Variants in EIF4E3 observed in about 807,000 individuals in gnomAD.
The protein encoded by EIF4E3 is eukaryotic translation initiation factor 4E type 3.
In EIF4E3, 26 loss-of-function variants were observed where a neutral mutation model predicts 31.7. That is an observed-to-expected ratio of 0.82 (90% confidence interval 0.60 to 1.14). EIF4E3 has a LOEUF of 1.14. Ranked by LOEUF, EIF4E3 falls within the 50% of genes most tolerant of loss-of-function variation. EIF4E3 has a pLI of 0.00. For missense variants in EIF4E3, 304 were observed against 270.9 expected (o/e 1.12, Z -0.86); for synonymous variants, 128 against 107.7 (o/e 1.19, Z -1.17).
chr3:71,698,738 A>G (rs1017938342), intron 3 of EIF4E3, among the ~76,000 whole-genome samples: 2 of 152,206 alleles, frequency 1.3e-5, no homozygotes, highest in African/African-American at 4.8e-5. Context: ...AGGGTGTAAG[A>G]CCAGAGCATA....
Position 71,696,476 on chromosome 3 carries a change from A to G in EIF4E3, c.389T>C (p.Val130Ala). The G allele has an allele frequency of 6.2e-7, 1 of 1,614,036 alleles. No individual in the cohort carries two copies. Among genetic ancestry groups the G allele is most frequent in the Non-Finnish European group, 8.5e-7 (1 of 1,180,002 alleles). ...GGAACCTACCGTGCTGTCCTTGGGG[A>G]CTTTCATCTTCCATACGCCACCCTT... ...NAKGGVWKMK[V>A]PKDSTSTVWK... Residue 130 changes from valine to alanine, a missense_variant, in exon 4 of 7, where the codon GTC (valine) becomes GCC (alanine). By Grantham distance (64) the Val-to-Ala change is moderately conservative. Transcript: ENST00000425534.
chr3:71,744,341 T>C (rs1019782992), intron 1 of EIF4E3, among the ~76,000 whole-genome samples: 5 of 152,170 alleles, frequency 3.3e-5, no homozygotes, highest in African/African-American at 1.2e-4. Flanking sequence ...GAAAAAAATG[T>C]TCAATATCAT....
At chr3:71,703,967 T>C (rs561887912) in intron 2 of EIF4E3, among the ~76,000 whole-genome samples, 1 of 152,372 alleles carries the variant, frequency 6.6e-6, no homozygotes, top group East Asian at 1.9e-4. Context: ...GTGGTATTTA[T>C]GGGCAGGGCC....
At chr3:71,720,268 T>C (rs2049526977) in intron 1 of EIF4E3, among the ~76,000 whole-genome samples, 1 of 151,806 alleles carries the variant, frequency 6.6e-6, no homozygotes, top group Admixed American at 6.5e-5. Flanking sequence ...CATCCTCAAA[T>C]TCAGGCTCAA....
chr3:71,660,165 C>A, the EIF4E3 span, among the ~76,000 whole-genome samples: 7 of 151,990 alleles, frequency 4.6e-5, no homozygotes, highest in Non-Finnish European at 8.8e-5. Flanking sequence ...GTGGTGTGAG[C>A]AGAAAATGAA....
intron 5 of EIF4E3, among the ~76,000 whole-genome samples, chr3:71,690,587 C>A (rs1459063346): frequency 6.6e-6 from 1 of 152,184 alleles, no homozygotes; most frequent in Non-Finnish European, 1.5e-5. Flanking sequence ...TTAAGGAGAG[C>A]AAGAATTTCT....
At chr3:71,753,429 C>T (rs1252824450) in intron 1 of EIF4E3, 1 of 152,328 alleles carries the variant, frequency 6.6e-6, no homozygotes, top group Admixed American at 6.5e-5. Flanking sequence ...CCACCGTGAC[C>T]CCAGCGCGGG....
At chr3:71,731,106 C>A (rs2049701690) in intron 1 of EIF4E3, among the ~76,000 whole-genome samples, 1 of 152,334 alleles carries the variant, frequency 6.6e-6, no homozygotes, top group South Asian at 2.1e-4. Context: ...TGGAGGACTG[C>A]AACAGCCTCC....
intron 1 of EIF4E3, among the ~76,000 whole-genome samples, chr3:71,747,750 T>C (rs2049888126): frequency 6.6e-6 from 1 of 152,226 alleles, no homozygotes; most frequent in East Asian, 1.9e-4. Flanking sequence ...GTTATAGTTT[T>C]AGCCCTGAGT....
chr3:71,719,203 C>T (rs138707094), intron 1 of EIF4E3, among the ~76,000 whole-genome samples: 137 of 152,302 alleles, frequency 9.0e-4, no homozygotes, highest in South Asian at 1.7e-3. Context: ...ATCCCTCCTG[C>T]GAGGACATGG....
At chr3:71,662,291 A>C in the EIF4E3 span, among the ~76,000 whole-genome samples, 1 of 151,970 alleles carries the variant, frequency 6.6e-6, no homozygotes, top group South Asian at 2.1e-4. Flanking sequence ...GTGGTCTGCC[A>C]CTCACCGACC....
At chr3:71,723,125 G>T (rs2049577071) in intron 1 of EIF4E3, among the ~76,000 whole-genome samples, 3 of 152,198 alleles carry the variant, frequency 2.0e-5, no homozygotes, top group Admixed American at 2.0e-4. Context: ...CATTGGCTAT[G>T]CTGCAGGTAA....
At chr3:71,743,520 G>A (rs944390913) in intron 1 of EIF4E3, among the ~76,000 whole-genome samples, 1 of 152,046 alleles carries the variant, frequency 6.6e-6, no homozygotes, top group African/African-American at 2.4e-5. Context: ...TTGTGTATAG[G>A]AGAGTATTGT....
chr3:71,664,781 A>G, the EIF4E3 span, among the ~76,000 whole-genome samples: 1 of 152,192 alleles, frequency 6.6e-6, no homozygotes, highest in African/African-American at 2.4e-5. Context: ...AGGCTGAGGC[A>G]TGAGAACTGC....
At position 71,699,728 on chromosome 3, in the gene EIF4E3, A is replaced by T; in HGVS notation, c.250-20T>A. On this transcript the variant is annotated intron_variant, in intron 2 of 6. Coordinates refer to ENST00000425534, the MANE Select transcript of EIF4E3 (RefSeq NM_001134651.2). ...AAATATCTTTAAAAGAAAAACAAAC[A>T]CTTTGTTTAATATACCCAGTATTGA... is the stretch of plus-strand genomic sequence containing the variant. The T allele has an allele frequency of 6.4e-7, 1 of 1,569,286 alleles. No individual in the cohort carries two copies. Among genetic ancestry groups the T allele is most frequent in the Non-Finnish European group, 8.8e-7 (1 of 1,142,542 alleles).
rs758637510 is a variant in EIF4E3 at position 71,699,593 on chromosome 3, A to T, written c.344+21T>A. The T allele has an allele frequency of 1.9e-6, 3 of 1,606,818 alleles. 1 individual carries two copies. The highest frequency in any genetic ancestry group is 2.2e-5 in the South Asian group (2 of 90,906). ...ACATTTTCCTCCCACCTTGACCTTA[A>T]ATTACACGTTAGACACTTACCAAAG... On this transcript the variant is annotated intron_variant, in intron 3 of 6. Coordinates refer to ENST00000425534, the MANE Select transcript of EIF4E3 (RefSeq NM_001134651.2).
At chr3:71,705,639 G>A (rs1273901055) in intron 2 of EIF4E3, among the ~76,000 whole-genome samples, 1 of 152,208 alleles carries the variant, frequency 6.6e-6, no homozygotes, top group Non-Finnish European at 1.5e-5. Flanking sequence ...ACAGAGTGCT[G>A]TACAGGAATG....
chr3:71,693,088 A>G (rs2049085967), intron 5 of EIF4E3, among the ~76,000 whole-genome samples: 1 of 152,232 alleles, frequency 6.6e-6, no homozygotes, highest in African/African-American at 2.4e-5. Context: ...AGAAAAACTT[A>G]ACTGAAAGCT....
At chr3:71,685,436 T>C (rs953755644) in intron 6 of EIF4E3, among the ~76,000 whole-genome samples, 9 of 152,200 alleles carry the variant, frequency 5.9e-5, no homozygotes, top group Admixed American at 2.0e-4. Context: ...CTTGGCTCAC[T>C]GCAACCTCCT....
Sources: allele counts gnomAD v4.1 joint callset (sites outside exome capture counted in the v4.1 genomes callset), GRCh38; gene constraint gnomAD v4.1.1; transcripts MANE v1.5; gene names NCBI Gene and HGNC (gene_info 2026-07-23, HGNC 2026-07-21).